The following METTL9 variants were observed in gnomAD, a reference collection of about 807,000 sequenced individuals.
METTL9 encodes methyltransferase 9, His-X-His N1(pi)-histidine, also known as protein-L-histidine N-pros-methyltransferase.
A neutral mutation model predicts 36.0 loss-of-function variants in METTL9; 10 were observed. The observed-to-expected ratio is 0.28, with a 90% CI of 0.17 to 0.47. The LOEUF (loss-of-function observed/expected upper bound fraction) is 0.47. Ranked by LOEUF, METTL9 falls within the 20% of genes least tolerant of loss-of-function variation. The pLI, the probability that METTL9 is intolerant of heterozygous loss-of-function variation, is 0.99. For synonymous variants in METTL9, 175 were observed against 149.7 expected (o/e 1.17, Z -1.23); for missense variants, 246 against 383.5 (o/e 0.64, Z 3.00).
intron 4 of METTL9, chr16:21,646,715 T>G: frequency 3.4e-6 from 1 of 293,618 alleles, no homozygotes; most frequent in Admixed American, 4.7e-5. Context: ...AGTGCAGTAG[T>G]GCGATCTCGG....
At chr16:21,598,864 T>C (rs1355634351), upstream of METTL9, among the ~76,000 whole-genome samples, 1 of 152,144 alleles carries the variant, frequency 6.6e-6, no homozygotes, top group African/African-American at 2.4e-5. Flanking sequence ...AAACATTACT[T>C]GTGGGTACCC....
chr16:21,646,004 C>A (rs763692861), intron 4 of METTL9, among the ~76,000 whole-genome samples: 2 of 152,270 alleles, frequency 1.3e-5, no homozygotes, highest in Non-Finnish European at 1.5e-5. Flanking sequence ...ATTTTGAAAT[C>A]GAAGGGCTGG....
Position 21,599,959 on chromosome 16 carries a change from C to A in METTL9, c.165+61C>A. On this transcript the variant is annotated intron_variant, in intron 1 of 4. Transcript: ENST00000358154. The surrounding 1 kb of genome is among the most constrained non-coding windows in gnomAD (Gnocchi z 4.4). Reference sequence around the variant, plus strand: ...GCGGCCCGGCCTTCCCGCGCTGGGCCCGGCTATTGTGCGGGACGGCTCCGC... The same window carrying A: ...GCGGCCCGGCCTTCCCGCGCTGGGCACGGCTATTGTGCGGGACGGCTCCGC... 7.9e-7 allele frequency: 1 copy of A among 1,263,120 alleles called. No individual in the cohort carries two copies. The highest frequency in any genetic ancestry group is 1.6e-5 in the African/African-American group (1 of 63,278). 78.2% of individuals were successfully genotyped at this position (1,263,120 alleles called of 1,614,324 possible).
At chr16:21,635,617 C>T (rs1367213442) in intron 4 of METTL9, among the ~76,000 whole-genome samples, 1 of 152,028 alleles carries the variant, frequency 6.6e-6, no homozygotes, top group Non-Finnish European at 1.5e-5. Context: ...CATTTTTCCC[C>T]ATCAGAGAGA....
intron 4 of METTL9, 84 bp from the exon 5 acceptor site, chr16:21,655,143 T>C (rs1464939545): frequency 3.2e-6 from 4 of 1,268,272 alleles, no homozygotes; most frequent in Non-Finnish European, 4.5e-6. Flanking sequence ...TACCAAGTCC[T>C]TGGTAGATAT....
chr16:21,643,968 T>C (rs1244011326), intron 4 of METTL9, among the ~76,000 whole-genome samples: 3 of 152,178 alleles, frequency 2.0e-5, no homozygotes, highest in Non-Finnish European at 4.4e-5. Context: ...ATAACAGTAA[T>C]ATCTCGCCCT....
chr16:21,638,044 G>A (rs1966149996), intron 4 of METTL9, among the ~76,000 whole-genome samples: 1 of 152,214 alleles, frequency 6.6e-6, no homozygotes, highest in South Asian at 2.1e-4. Flanking sequence ...TAGGCTGGGT[G>A]CGGTGGCTTA....
chr16:21,655,162 C>T (rs1966673608), intron 4 of METTL9, 65 bp from the exon 5 acceptor site: 1 of 1,466,644 alleles, frequency 6.8e-7, no homozygotes, highest in African/African-American at 1.4e-5. Flanking sequence ...ATGGCTCCTC[C>T]CTGCTTCCCT....
chr16:21,613,824 GTT>G (rs1212513628), intron 2 of METTL9, among the ~76,000 whole-genome samples: 1 of 86,864 alleles, frequency 1.2e-5, no homozygotes, highest in Non-Finnish European at 2.0e-5. Context: ...AGCTTTAGGA[GTT>G]TTTTTTGTTT....
At position 21,599,700 on chromosome 16, in the gene METTL9, C is replaced by T. The variant is rs561691520; in HGVS notation, c.-34C>T. ...TGCCTCCTCCTCCTCGCCCCGGCGC[C>T]GGCGGTGATCCGAGCGAGCGGCCGC... On this transcript the variant is annotated 5_prime_UTR_variant, in exon 1 of 5. Coordinates refer to ENST00000358154, the MANE Select transcript of METTL9 (RefSeq NM_016025.5). The surrounding 1 kb of genome is among the most constrained non-coding windows in gnomAD (Gnocchi z 4.4). The T allele has an allele frequency of 1.1e-5, 16 of 1,451,932 alleles. No homozygotes were observed. The highest frequency in any genetic ancestry group is 8.0e-5 in the South Asian group (6 of 75,152). 89.9% of individuals were successfully genotyped at this position (1,451,932 alleles called of 1,614,324 possible). A position where few individuals can be genotyped will look rare whatever the true frequency, so the allele number is the denominator to read the frequency against.
intron 2 of METTL9, among the ~76,000 whole-genome samples, chr16:21,614,610 C>T (rs934521049): frequency 5.9e-5 from 9 of 152,126 alleles, no homozygotes; most frequent in Non-Finnish European, 1.0e-4. Flanking sequence ...CAGTACTTTC[C>T]GGTCATGGCA....
intron 4 of METTL9, chr16:21,652,454 C>G (rs1167844853): frequency 2.6e-6 from 3 of 1,135,670 alleles, no homozygotes; most frequent in African/African-American, 3.1e-5. Flanking sequence ...TCTGAAGGAG[C>G]TTAAAATATA....
chr16:21,619,471 A>T (rs907612177), intron 3 of METTL9, among the ~76,000 whole-genome samples: 1 of 150,558 alleles, frequency 6.6e-6, no homozygotes, highest in Admixed American at 6.6e-5. Context: ...CCCAAGCTGG[A>T]GTGCGGTGGC....
At chr16:21,628,226 A>G (rs897030883) in intron 4 of METTL9, among the ~76,000 whole-genome samples, 2 of 152,164 alleles carry the variant, frequency 1.3e-5, no homozygotes, top group Non-Finnish European at 2.9e-5. Flanking sequence ...CTGGTTCATG[A>G]GAGCTGATTG....
chr16:21,618,199 T>A, intron 3 of METTL9, 125 bp downstream of exon 3: 1 of 790,602 alleles, frequency 1.3e-6, no homozygotes, highest in Non-Finnish European at 1.9e-6. Context: ...TAACTGGAAA[T>A]GTAGAGAAAT....
chr16:21,627,958 A>G (rs1965852196), intron 4 of METTL9, among the ~76,000 whole-genome samples: 2 of 152,148 alleles, frequency 1.3e-5, no homozygotes, highest in African/African-American at 2.4e-5. Context: ...ATCTCAAAAA[A>G]CAAACAAAAC....
chr16:21,602,493 A>AG (rs1965159088), intron 1 of METTL9, among the ~76,000 whole-genome samples: 3 of 152,288 alleles, frequency 2.0e-5, no homozygotes, highest in African/African-American at 7.2e-5. Context: ...CACTTAGAGC[A>AG]GGGAAGTGGC....
chr16:21,602,906 TC>T (rs1396909413), intron 1 of METTL9, among the ~76,000 whole-genome samples: 2 of 152,006 alleles, frequency 1.3e-5, no homozygotes, highest in Non-Finnish European at 2.9e-5. Context: ...TGATCCTTCT[TC>T]CTGGGCCTCC....
chr16:21,610,007 C>A (rs1197381128), intron 1 of METTL9, among the ~76,000 whole-genome samples: 3 of 151,890 alleles, frequency 2.0e-5, no homozygotes, highest in Non-Finnish European at 2.9e-5. Flanking sequence ...ATTCACATAC[C>A]ATGAAATTTA....
Sources: allele counts gnomAD v4.1 joint callset (sites outside exome capture counted in the v4.1 genomes callset), GRCh38; gene constraint gnomAD v4.1.1; non-coding constraint Gnocchi (gnomAD v3.1); transcripts MANE v1.5; gene names NCBI Gene and HGNC (gene_info 2026-07-23, HGNC 2026-07-21).